Variants in SHPRH observed in about 807,000 individuals in gnomAD.
SHPRH encodes the protein E3 ubiquitin-protein ligase SHPRH.
A neutral mutation model predicts 202.5 loss-of-function variants in SHPRH; 106 were observed. The observed-to-expected ratio is 0.52, with a 90% CI of 0.45 to 0.62. SHPRH has a LOEUF of 0.62. Among genes scored for constraint, SHPRH ranks in the 20% least tolerant of loss-of-function variants. The probability of loss-of-function intolerance (pLI) is 0.00; values close to 1 mark genes in which losing one functional copy is unlikely to be tolerated. For missense variants in SHPRH, 1,710 were observed against 2,020.0 expected, an observed-to-expected ratio of 0.85 and a Z score of 2.94; for synonymous variants, 729 against 686.0, an observed-to-expected ratio of 1.06 and a Z score of -0.98.
chr6:145,923,923 C>T (rs1207328110), intron 17 of SHPRH, 138 bp from the exon 18 acceptor site: 8 of 767,126 alleles, frequency 1.0e-5, no homozygotes, highest in South Asian at 2.6e-5. Flanking sequence ...AGAGGGGAGA[C>T]GAGTATACAT....
rs774888533 is a variant in SHPRH at position 145,947,532 on chromosome 6, A to G, written c.1173T>C (p.Thr391=). 1.9e-6 allele frequency: 3 copies of G among 1,612,946 alleles called. No homozygotes were observed. The South Asian group carries it at 3.3e-5, about 18-fold the overall frequency. Reference sequence around the variant, plus strand: ...GAGCATCTTGCTTGACATCTTGTCGAGTATGTGTCAGAATCAGAGCCAAAA... The same window carrying G: ...GAGCATCTTGCTTGACATCTTGTCGGGTATGTGTCAGAATCAGAGCCAAAA... ...VEVLALILTH[T]RQDVKQDALT... Residue 391 remains threonine, a synonymous_variant, in exon 6 of 30, where the codon ACT becomes ACC. Coordinates refer to ENST00000275233, the MANE Select transcript of SHPRH (RefSeq NM_001042683.3).
At chr6:145,867,842 G>A (rs1033197760) in intron 2 of SHPRH, among the ~76,000 whole-genome samples, 1 of 151,476 alleles carries the variant, frequency 6.6e-6, no homozygotes, top group East Asian at 1.9e-4. Flanking sequence ...TAATTCCTGC[G>A]GTTCTAAGCC....
In SHPRH at chr6:145,913,519, G is replaced by A. The variant is rs1214286351; in HGVS notation, c.4285C>T (p.Pro1429Ser). The A allele has an allele frequency of 1.2e-6, 2 of 1,609,264 alleles. No individual in the cohort carries two copies. Among genetic ancestry groups the A allele is most frequent in the Admixed American group, 3.4e-5 (2 of 59,302 alleles). Residue 1429 changes from proline (P) to serine (S), a missense_variant, in exon 24 of 30, where the codon CCA (proline) becomes TCA (serine). Physicochemically the swap from Pro to Ser is moderately conservative, Grantham distance 74. Transcript: ENST00000275233. ...CGAGCACAGATTGGGCAAGGTTCTG[G>A]ATTAACACCTCCCGATGTTTTATCT... ...SQDKTSGGVN[P>S]EPCPICARQL...
chr6:145,937,888 A>G (rs925754891), intron 11 of SHPRH, among the ~76,000 whole-genome samples: 3 of 152,180 alleles, frequency 2.0e-5, no homozygotes, highest in African/African-American at 4.8e-5. Flanking sequence ...GTTATAGAAC[A>G]AACTATTTTT....
At chr6:145,960,823 A>G (rs1789011573) in intron 1 of SHPRH, among the ~76,000 whole-genome samples, 2 of 152,188 alleles carry the variant, frequency 1.3e-5, no homozygotes, top group Non-Finnish European at 2.9e-5. Context: ...CCTTTTTGGT[A>G]CCATAAATGG....
rs571603046 is a variant in SHPRH at position 145,919,601 on chromosome 6, C to T, written c.4009-110G>A. The stretch of plus-strand genomic sequence containing the variant: ...TCTTCAATGAGATCTTACACTTTTT[C>T]GCTATGTGTCTAACGTACAAGTAGT... On this transcript the variant is annotated intron_variant, in intron 21 of 29. Coordinates refer to ENST00000275233, the MANE Select transcript of SHPRH (RefSeq NM_001042683.3). The T allele has an allele frequency of 1.2e-4, 151 of 1,283,368 alleles. 1 individual carries two copies. Among genetic ancestry groups the T allele is most frequent in the Non-Finnish European group, 1.5e-4 (144 of 946,982 alleles). The allele number at this position is 1,283,368 out of a possible 1,614,324, so 79.5% of individuals were successfully genotyped here.
chr6:145,958,294 C>G (rs565484867), intron 1 of SHPRH, among the ~76,000 whole-genome samples: 1 of 152,116 alleles, frequency 6.6e-6, no homozygotes, highest in East Asian at 1.9e-4. Flanking sequence ...TTTTCTTATA[C>G]ATAAATTATA....
intron 25 of SHPRH, among the ~76,000 whole-genome samples, chr6:145,901,313 T>C (rs1310339785): frequency 3.3e-5 from 5 of 152,146 alleles, no homozygotes; most frequent in African/African-American, 1.2e-4. Context: ...ACTGCTCTTT[T>C]TCATGTTTCT....
rs759236903 is a variant in SHPRH, at chr6:145,941,726, C to T, written c.2387G>A (p.Arg796Gln). The stretch of plus-strand genomic sequence containing the variant: ...GATAGCCATATAGCGCTTCTGGTTC[C>T]GTAGGCGACGCCCATCCTCACTATT... ...HSNSEDGRRL[R>Q]NQKRYMAIPS... Residue 796 changes from arginine to glutamine, a missense_variant, in exon 10 of 30, where the codon CGG becomes CAG. Around this residue, in one of 8 missense-constraint regions of SHPRH, gnomAD observed 277 missense variants for 363.0 expected, o/e 0.76. Transcript: ENST00000275233. 2.5e-6 allele frequency: 4 copies of T among 1,613,894 alleles called. No homozygotes were observed. The highest frequency in any genetic ancestry group is 3.4e-6 in the Non-Finnish European group (4 of 1,179,982).
chr6:145,914,464 G>C (rs1448733980), intron 23 of SHPRH, among the ~76,000 whole-genome samples: 2 of 152,132 alleles, frequency 1.3e-5, no homozygotes, highest in East Asian at 3.9e-4. Context: ...TGGGCCATAT[G>C]ATCTGTGTTG....
chr6:145,881,342 A>T (rs1024101234), downstream of SHPRH, among the ~76,000 whole-genome samples: 1 of 152,158 alleles, frequency 6.6e-6, no homozygotes, highest in African/African-American at 2.4e-5. Flanking sequence ...GAGGCCTCAC[A>T]ATTAGGGTTG....
downstream of SHPRH, among the ~76,000 whole-genome samples, chr6:145,881,189 G>T (rs775425035): frequency 2.0e-5 from 3 of 152,160 alleles, no homozygotes; most frequent in African/African-American, 7.2e-5. Context: ...AATAAAAACA[G>T]GCTATGGAAT....
intron 2 of SHPRH, among the ~76,000 whole-genome samples, chr6:145,872,689 T>G (rs765801125): frequency 6.6e-6 from 1 of 152,194 alleles, no homozygotes; most frequent in South Asian, 2.1e-4. Flanking sequence ...CATTACTGGT[T>G]ATATACTCAA....
intron 25 of SHPRH, among the ~76,000 whole-genome samples, chr6:145,897,753 C>T (rs758036619): frequency 6.6e-6 from 1 of 151,708 alleles, no homozygotes; most frequent in Non-Finnish European, 1.5e-5. Flanking sequence ...ATGTGATACA[C>T]CACAGAATAA....
intron 20 of SHPRH, among the ~76,000 whole-genome samples, 161 bp from the exon 21 acceptor site, chr6:145,921,553 T>A (rs935167561): frequency 9.1e-5 from 13 of 143,598 alleles, no homozygotes; most frequent in South Asian, 2.2e-4. Flanking sequence ...TTTTTTTTTT[T>A]AAATTCTATT....
At chr6:145,864,945 A>T (rs1363138566) in intron 2 of SHPRH, among the ~76,000 whole-genome samples, 4 of 134,348 alleles carry the variant, frequency 3.0e-5, no homozygotes, top group African/African-American at 8.8e-5. Flanking sequence ...ACACACACTC[A>T]CACACACACA....
chr6:145,915,322 T>A (rs1223532198), intron 23 of SHPRH, among the ~76,000 whole-genome samples: 1 of 151,634 alleles, frequency 6.6e-6, no homozygotes, highest in African/African-American at 2.4e-5. Context: ...AAGACAGCAT[T>A]GTTGCTTTTA....
intron 2 of SHPRH, among the ~76,000 whole-genome samples, chr6:145,869,709 ACT>A (rs1276573269): frequency 3.3e-5 from 5 of 151,630 alleles, no homozygotes; most frequent in Non-Finnish European, 7.4e-5. Flanking sequence ...CAAATACCAC[ACT>A]GTCTTGATTA....
intron 2 of SHPRH, among the ~76,000 whole-genome samples, chr6:145,868,695 T>G (rs974184145): frequency 6.6e-6 from 1 of 152,174 alleles, no homozygotes; most frequent in African/African-American, 2.4e-5. Context: ...GTCTTTTGCT[T>G]AGTATATTCA....
Sources: gnomAD v4.1 joint callset for allele counts (sites outside exome capture counted in the v4.1 genomes callset) on GRCh38, gnomAD v4.1.1 for gene constraint, gnomAD v4.1.1 regional missense constraint, MANE v1.5 for transcripts, NCBI Gene and HGNC (gene_info 2026-07-23, HGNC 2026-07-21) for gene names.